ABR: variants seen among roughly 807,000 people sequenced by gnomAD.
The protein encoded by ABR is active breakpoint cluster region-related protein.
ABR carries 35 observed loss-of-function variants against 107.2 expected under a neutral mutation model. The ratio of observed to expected loss-of-function variants is 0.33; its 90% CI spans 0.25 to 0.43. The LOEUF (loss-of-function observed/expected upper bound fraction) is 0.43. ABR is among the 20% of genes least tolerant of loss of function. The pLI is 1.00. For missense variants in ABR, 815 were observed against 1,115.2 expected, an observed-to-expected ratio of 0.73 and a Z score of 3.83; for synonymous variants, 498 against 462.0, an observed-to-expected ratio of 1.08 and a Z score of -1.00.
chr17:1,031,729 G>C (rs2072787222), intron 16 of ABR: 1 of 1,242,048 alleles, frequency 8.1e-7, no homozygotes, highest in African/African-American at 1.6e-5. Flanking sequence ...GGCTGGGGCA[G>C]GACGTCGGTC....
intron 1 of ABR, among the ~76,000 whole-genome samples, chr17:1,151,521 G>GCCT (rs1277678839): frequency 2.0e-5 from 3 of 152,144 alleles, no homozygotes; most frequent in Non-Finnish European, 2.9e-5. Flanking sequence ...ACCACAAAGG[G>GCCT]CCTCGGTCAG....
chr17:1,228,935 G>A (rs1450647840), exon 1 of ABR: 1 of 151,632 alleles, frequency 6.6e-6, no homozygotes, highest in Non-Finnish European at 1.5e-5. Flanking sequence ...CGCGCCCGGG[G>A]GTCTCCTCCG....
At chr17:1,062,533 CTGT>C (rs1475001192) in intron 10 of ABR, among the ~76,000 whole-genome samples, 4 of 128,556 alleles carry the variant, frequency 3.1e-5, no homozygotes, top group Admixed American at 7.8e-5. Flanking sequence ...CCTCTAGACA[CTGT>C]TGTTATGTGA....
intron 4 of ABR, 36 bp downstream of exon 4, chr17:1,091,629 C>A: frequency 6.3e-7 from 1 of 1,595,742 alleles, no homozygotes; most frequent in South Asian, 1.1e-5. Context: ...TCCACTGAGG[C>A]CCTGCGTGAG....
At chr17:1,099,279 T>C (rs2037710256) in intron 3 of ABR, among the ~76,000 whole-genome samples, 1 of 152,038 alleles carries the variant, frequency 6.6e-6, no homozygotes, top group African/African-American at 2.4e-5. Context: ...TTCACCACAT[T>C]GGCCAGGCTG....
intron 10 of ABR, among the ~76,000 whole-genome samples, chr17:1,062,231 C>CA (rs1337855648): frequency 7.0e-6 from 1 of 143,720 alleles, no homozygotes; most frequent in African/African-American, 2.6e-5. Context: ...TTCCTCTAGA[C>CA]GCTGCTGTTA....
intron 3 of ABR, among the ~76,000 whole-genome samples, chr17:1,095,884 C>T (rs2037387246): frequency 6.6e-6 from 1 of 152,206 alleles, no homozygotes; most frequent in African/African-American, 2.4e-5. Flanking sequence ...GTCACTGGAG[C>T]CCAGGGAGGA....
intron 1 of ABR, among the ~76,000 whole-genome samples, chr17:1,152,370 A>G (rs1271023430): frequency 6.6e-6 from 1 of 151,232 alleles, no homozygotes; most frequent in African/African-American, 2.4e-5. Context: ...TGGGTGGATC[A>G]CCTGAGGTCA....
intron 18 of ABR, 40 bp downstream of exon 18, chr17:1,012,648 G>C (rs1007569991): frequency 1.3e-6 from 2 of 1,484,452 alleles, no homozygotes; most frequent in African/African-American, 1.4e-5. Flanking sequence ...GGGACCCGGG[G>C]CACCGACGCC....
chr17:1,020,330 G>A (rs1443376403), intron 16 of ABR, among the ~76,000 whole-genome samples: 9 of 152,178 alleles, frequency 5.9e-5, no homozygotes, highest in South Asian at 2.1e-4. Context: ...TGATCCACCC[G>A]CCTCGGCCTC....
intron 1 of ABR, among the ~76,000 whole-genome samples, chr17:1,138,891 A>G (rs1032866068): frequency 3.3e-5 from 5 of 152,270 alleles, no homozygotes; most frequent in African/African-American, 1.2e-4. Flanking sequence ...GCACTAGCTC[A>G]GTGGATTTGC....
rs571470260 is a variant in ABR at position 1,050,747 on chromosome 17, G to A, written c.1562-113C>T. 1.4e-4 allele frequency: 119 copies of A among 835,974 alleles called. No homozygotes were observed. In the African/African-American group the frequency reaches 1.4e-3, roughly 10 times the overall value. The allele number at this position is 835,974 out of a possible 1,614,324, so 51.8% of individuals were successfully genotyped here. A position where few individuals can be genotyped will look rare whatever the true frequency, so the allele number is the denominator to read the frequency against. Reference sequence around the variant, plus strand: ...CATCTGTCCTTTCCAACGTCCCCACGGATGGCATCTTGGCTCTCTCCTCCC... The same window carrying A: ...CATCTGTCCTTTCCAACGTCCCCACAGATGGCATCTTGGCTCTCTCCTCCC... On this transcript the variant is annotated intron_variant, in intron 14 of 22. Transcript: ENST00000302538. This position sits in a 1 kb window ranked among gnomAD's most constrained non-coding sequence, Gnocchi z 4.6.
chr17:1,212,685 T>A (rs964618360), intron 1 of ABR, among the ~76,000 whole-genome samples: 30 of 152,052 alleles, frequency 2.0e-4, no homozygotes, highest in African/African-American at 6.0e-4. Flanking sequence ...AGGTCGGGAG[T>A]TTGAGACCAG....
rs2151027234 is a variant in ABR at position 1,050,319 on chromosome 17, C to T, written c.1660-138G>A. The T allele has an allele frequency of 2.5e-6, 3 of 1,197,404 alleles. No individual in the cohort carries two copies. In the South Asian group the frequency reaches 4.5e-5, roughly 18 times the overall value. 74.2% of individuals were successfully genotyped at this position (1,197,404 alleles called of 1,614,324 possible). A position where few individuals can be genotyped will look rare whatever the true frequency, so the allele number is the denominator to read the frequency against. ...GGACACGTCAGATTTTCTGGAGCTC[C>T]CAGAGGCCTCCCATCACCCCTGGAG... On this transcript the variant is annotated intron_variant, in intron 15 of 22. Transcript: ENST00000302538. The surrounding 1 kb of genome is among the most constrained non-coding windows in gnomAD (Gnocchi z 4.6).
chr17:1,162,438 G>A (rs1032163476), intron 1 of ABR, among the ~76,000 whole-genome samples: 1 of 152,200 alleles, frequency 6.6e-6, no homozygotes. Context: ...GAGATGAGAG[G>A]AAGACAAGGG....
rs1172594390 is a variant in ABR, at chr17:1,056,094, C to G, written c.1502G>C (p.Gly501Ala). 6.2e-7 allele frequency: 1 copy of G among 1,614,160 alleles called. No individual in the cohort carries two copies. The highest frequency in any genetic ancestry group is 8.5e-7 in the Non-Finnish European group (1 of 1,180,000). ...TSNKDDDESP[G>A]LYGFLHVIVH... is the part of the protein sequence containing the mutation. ...GATGACATGAAGGAAGCCATAGAGT[C>G]CTGGAGACTCATCGTCTGCAAGAGA... The change falls in exon 14 of 23, where the codon GGA (glycine) becomes GCA (alanine). Residue 501 changes from glycine to alanine, a missense_variant. Coordinates refer to ENST00000302538, the MANE Select transcript of ABR (RefSeq NM_021962.5).
intron 2 of ABR, among the ~76,000 whole-genome samples, chr17:1,101,609 A>AT (rs1184519269): frequency 6.6e-6 from 1 of 152,174 alleles, no homozygotes; most frequent in Admixed American, 6.5e-5. Flanking sequence ...CTATGTGTCC[A>AT]TTTATTTATT....
chr17:1,010,677 A>G lies in ABR; in HGVS notation c.2236+52T>C. The G allele has an allele frequency of 6.3e-7, 1 of 1,592,100 alleles. No individual in the cohort carries two copies. Among genetic ancestry groups the G allele is most frequent in the Non-Finnish European group, 8.6e-7 (1 of 1,167,676 alleles). On this transcript the variant is annotated intron_variant, in intron 20 of 22. Coordinates refer to ENST00000302538, the MANE Select transcript of ABR (RefSeq NM_021962.5). This position sits in a 1 kb window ranked among gnomAD's most constrained non-coding sequence, Gnocchi z 4.1. ...CTGCTGGTTACTTCTCCGGGCAGGG[A>G]GTCCTGGCTCAGTCTGGCCCAGCCC...
chr17:1,196,696 C>CTT (rs377678872), intron 1 of ABR, among the ~76,000 whole-genome samples: 6 of 134,876 alleles, frequency 4.4e-5, no homozygotes, highest in African/African-American at 1.1e-4. Flanking sequence ...TCCAACCTTC[C>CTT]TTTTTTTTTT....
Sources: allele counts gnomAD v4.1 joint callset (sites outside exome capture counted in the v4.1 genomes callset), GRCh38; gene constraint gnomAD v4.1.1; non-coding constraint Gnocchi (gnomAD v3.1); transcripts MANE v1.5; gene names NCBI Gene and HGNC (gene_info 2026-07-23, HGNC 2026-07-21).